SPATA7: variants seen among roughly 807,000 people sequenced by gnomAD.
SPATA7 encodes spermatogenesis-associated protein 7.
Under a neutral mutation model 51.8 loss-of-function variants are expected in SPATA7, and 43 were observed. The ratio of observed to expected loss-of-function variants is 0.83; its 90% CI spans 0.65 to 1.07. SPATA7 has a LOEUF of 1.07. SPATA7 is among the 50% of genes least tolerant of loss of function. The pLI, the probability that SPATA7 is intolerant of heterozygous loss-of-function variation, is 0.00. For synonymous variants in SPATA7, 230 were observed against 252.8 expected (o/e 0.91, Z 0.86); for missense variants, 683 against 701.3 (o/e 0.97, Z 0.30).
At chr14:88,453,346 A>C (rs1566796228) in intron 3 of SPATA7, among the ~76,000 whole-genome samples, 1 of 152,230 alleles carries the variant, frequency 6.6e-6, no homozygotes, top group Non-Finnish European at 1.5e-5. Flanking sequence ...CTACATGAAA[A>C]TGTGTTTGCT....
intron 4 of SPATA7, among the ~76,000 whole-genome samples, chr14:88,465,603 T>C (rs1480880621): frequency 6.6e-6 from 1 of 152,254 alleles, no homozygotes; most frequent in Non-Finnish European, 1.5e-5. Context: ...CAGTGGTTTA[T>C]AACTCTACGT....
At chr14:88,440,095 C>T (rs2077167929), downstream of SPATA7, among the ~76,000 whole-genome samples, 1 of 152,086 alleles carries the variant, frequency 6.6e-6, no homozygotes, top group African/African-American at 2.4e-5. Flanking sequence ...TTTCTTCAGT[C>T]CCAGCCTCAC....
downstream of SPATA7, among the ~76,000 whole-genome samples, chr14:88,458,256 A>T (rs2077297237): frequency 6.6e-6 from 1 of 152,176 alleles, no homozygotes; most frequent in Admixed American, 6.5e-5. Context: ...TGAGTTAGGG[A>T]GGATTCCCTC....
chr14:88,436,926 G>A (rs1017570424), intron 10 of SPATA7, among the ~76,000 whole-genome samples: 2 of 151,356 alleles, frequency 1.3e-5, no homozygotes, highest in African/African-American at 4.9e-5. Context: ...GTAGTTTCAT[G>A]TACATTTTAG....
chr14:88,436,930 A>G (rs2077105362), intron 10 of SPATA7, among the ~76,000 whole-genome samples: 1 of 151,396 alleles, frequency 6.6e-6, no homozygotes, highest in African/African-American at 2.4e-5. Flanking sequence ...TTTCATGTAC[A>G]TTTTAGGATT....
chr14:88,416,979 A>G, intron 5 of SPATA7, 135 bp downstream of exon 5: 2 of 697,878 alleles, frequency 2.9e-6, no homozygotes, highest in Admixed American at 2.9e-5. Flanking sequence ...ATATTTTAAA[A>G]GGCTGTTCAG....
intron 3 of SPATA7, among the ~76,000 whole-genome samples, chr14:88,444,841 T>C (rs1251357439): frequency 2.6e-5 from 4 of 152,244 alleles, no homozygotes; most frequent in Non-Finnish European, 5.9e-5. Context: ...TCCATTGATC[T>C]ATATCTCTGT....
chr14:88,420,645 C>T (rs1304632050), intron 5 of SPATA7, among the ~76,000 whole-genome samples: 1 of 152,126 alleles, frequency 6.6e-6, no homozygotes, highest in Non-Finnish European at 1.5e-5. Flanking sequence ...ATGTTCCTAT[C>T]ACCTAGGTTG....
At chr14:88,459,971 T>A (rs1277442285), downstream of SPATA7, among the ~76,000 whole-genome samples, 1 of 152,234 alleles carries the variant, frequency 6.6e-6, no homozygotes, top group Non-Finnish European at 1.5e-5. Context: ...CCTTCACTTA[T>A]GAAGCTTAAT....
rs892592640 is a variant in SPATA7 at position 88,427,642 on chromosome 14, G to C, written c.858G>C (p.Glu286Asp). 1 of 1,606,652 alleles carries C rather than the reference G, an allele frequency of 6.2e-7. No individual in the cohort carries two copies. Among genetic ancestry groups the C allele is most frequent in the Non-Finnish European group, 8.5e-7 (1 of 1,174,026 alleles). ...ETQTELSFKS[E>D]LGTAETKNMT... ...TAAATTATTACAGCTTTAAATCTGA[G>C]TTGGGGACAGCTGAGACTAAAAACA... Residue 286 changes from glutamate (E) to aspartate (D), a missense_variant, in exon 7 of 12, where the codon GAG becomes GAC. Physicochemically the swap from Glu to Asp is conservative, Grantham distance 45 (BLOSUM62 2). Transcript: ENST00000393545.
At chr14:88,411,155 G>T (rs28748114) in intron 4 of SPATA7, among the ~76,000 whole-genome samples, 2 of 152,146 alleles carry the variant, frequency 1.3e-5, no homozygotes, top group African/African-American at 4.8e-5. Flanking sequence ...ACTTCCTGGC[G>T]GCTTTGTTTA....
Position 88,393,820 on chromosome 14 carries a change from A to G in SPATA7, c.190+332A>G, listed in dbSNP as rs74073639. ...ATGGAAGTTGCACAAAGAAGATGCTATTTTTCTGTTTAATTTTTTTCTTTT... is the reference window on the plus strand; with the variant it reads ...ATGGAAGTTGCACAAAGAAGATGCTGTTTTTCTGTTTAATTTTTTTCTTTT... On this transcript the variant is annotated intron_variant, in intron 3 of 11. Coordinates refer to ENST00000393545, the MANE Select transcript of SPATA7 (RefSeq NM_018418.5). Among the ~76,000 whole-genome samples the G allele has an allele frequency of 7.5e-3, 1,148 of 152,192 alleles. 15 individuals carry two copies. Among genetic ancestry groups the G allele is most frequent in the African/African-American group, 0.027 (1,103 of 41,542 alleles).
intron 4 of SPATA7, among the ~76,000 whole-genome samples, chr14:88,413,860 A>C (rs887091636): frequency 6.6e-6 from 1 of 151,642 alleles, no homozygotes; most frequent in Non-Finnish European, 1.5e-5. Flanking sequence ...GCATTTATTG[A>C]TTTGCATATG....
At chr14:88,451,491 A>G (rs2077250729) in intron 3 of SPATA7, among the ~76,000 whole-genome samples, 1 of 145,676 alleles carries the variant, frequency 6.9e-6, no homozygotes, top group Non-Finnish European at 1.5e-5. Flanking sequence ...TACTTATGCT[A>G]TTTCACTGGA....
downstream of SPATA7, among the ~76,000 whole-genome samples, chr14:88,455,866 T>G (rs1275418245): frequency 1.4e-5 from 2 of 146,690 alleles, no homozygotes; most frequent in Non-Finnish European, 3.0e-5. Flanking sequence ...CCTAATGCTA[T>G]CCCTCCCCCT....
At chr14:88,454,423 T>G (rs1451226514) in intron 3 of SPATA7, among the ~76,000 whole-genome samples, 2 of 152,164 alleles carry the variant, frequency 1.3e-5, no homozygotes, top group African/African-American at 4.8e-5. Flanking sequence ...CATGTAAAAT[T>G]TATAACTTCA....
chr14:88,434,207 G>A (rs1328072943), intron 10 of SPATA7, among the ~76,000 whole-genome samples: 2 of 152,068 alleles, frequency 1.3e-5, no homozygotes, highest in Non-Finnish European at 2.9e-5. Flanking sequence ...TTATAAGACT[G>A]TTTATTACAG....
At chr14:88,395,495 C>A (rs985826434) in intron 3 of SPATA7, among the ~76,000 whole-genome samples, 5 of 136,204 alleles carry the variant, frequency 3.7e-5, no homozygotes, top group African/African-American at 1.2e-4. Flanking sequence ...TTAGGTCACT[C>A]AGAATTTCTT....
At chr14:88,446,694 CGTT>C (rs1238462334) in intron 3 of SPATA7, among the ~76,000 whole-genome samples, 1 of 152,036 alleles carries the variant, frequency 6.6e-6, no homozygotes, top group African/African-American at 2.4e-5. Flanking sequence ...TCTTTGTTCT[CGTT>C]GGTTTCAAAG....
Sources: gnomAD v4.1 joint callset for allele counts (sites outside exome capture counted in the v4.1 genomes callset) on GRCh38, gnomAD v4.1.1 for gene constraint, MANE v1.5 for transcripts, NCBI Gene and HGNC (gene_info 2026-07-23, HGNC 2026-07-21) for gene names.